The following TRAP1 variants were observed in gnomAD, a reference collection of about 807,000 sequenced individuals.
TRAP1 encodes the protein heat shock protein 75 kDa, mitochondrial.
Under a neutral mutation model 89.1 loss-of-function variants are expected in TRAP1, and 102 were observed. That is an observed-to-expected ratio of 1.15 (90% CI 0.98 to 1.35). The LOEUF is 1.35. Among genes scored for constraint, TRAP1 ranks in the 40% most tolerant of loss-of-function variants. TRAP1 has a pLI of 0.00. For synonymous variants in TRAP1, 508 were observed against 388.0 expected (o/e 1.31, Z -3.64); for missense variants, 1,256 against 945.3 (o/e 1.33, Z -4.31).
At chr16:3,687,890 C>T (rs1402198194) in intron 3 of TRAP1, among the ~76,000 whole-genome samples, 1 of 141,592 alleles carries the variant, frequency 7.1e-6, no homozygotes, top group African/African-American at 2.7e-5. Context: ...AAAACCCACA[C>T]AATTAAAAAT....
At position 3,690,893 on chromosome 16, in the gene TRAP1, T is replaced by G; in HGVS notation, c.181A>C (p.Thr61Pro). The G allele has an allele frequency of 6.3e-7, 1 of 1,592,484 alleles. No homozygotes were observed. The highest frequency in any genetic ancestry group is 2.4e-5 in the East Asian group (1 of 42,274). The change falls in exon 2 of 18, where the codon ACG becomes CCG. Residue 61 changes from threonine to proline, a missense_variant. By Grantham distance (38) the Thr-to-Pro change is conservative. Coordinates refer to ENST00000246957, the MANE Select transcript of TRAP1 (RefSeq NM_016292.3). The stretch of plus-strand genomic sequence containing the variant: ...TCCTCCTTGTCCTCGGCGGTCTGCG[T>G]GCTGAACAGTCGTCCTGCCTGCAAG... ...WSLQAGRLFS[T>P]QTAEDKEEPL...
intron 15 of TRAP1, 149 bp downstream of exon 15, chr16:3,662,733 G>A (rs1346353964): frequency 1.3e-6 from 1 of 749,492 alleles, no homozygotes; most frequent in South Asian, 1.5e-5. Flanking sequence ...CACGTGCCGA[G>A]CAGGGACCCA....
Position 3,706,408 on chromosome 16 carries a change from G to C in TRAP1, c.88+11013C>G, listed in dbSNP as rs575527270. On this transcript the variant is annotated intron_variant, in intron 1 of 17. Transcript: ENST00000246957. ...CGATCCTCCCACCTCAGCCTCCCAA[G>C]CAGGTGGGATTAGAAGGGCGCACCA... Among the ~76,000 whole-genome samples the C allele has an allele frequency of 1.0e-3, 154 of 150,290 alleles. 2 individuals are homozygous for C. The highest frequency in any genetic ancestry group is 3.5e-3 in the African/African-American group (143 of 40,854).
intron 1 of TRAP1, 82 bp downstream of exon 1, chr16:3,717,339 C>CAGGGACG: frequency 1.9e-6 from 1 of 535,144 alleles, no homozygotes; most frequent in Non-Finnish European, 2.8e-6. Context: ...GTGCCGGCGC[C>CAGGGACG]TCGCTCCCCG....
At chr16:3,696,193 T>C (rs1440747532) in intron 1 of TRAP1, among the ~76,000 whole-genome samples, 1 of 152,218 alleles carries the variant, frequency 6.6e-6, no homozygotes, top group African/African-American at 2.4e-5. Context: ...CAGCCAGATC[T>C]TGGTTTGTGA....
intron 1 of TRAP1, among the ~76,000 whole-genome samples, chr16:3,695,274 G>C (rs752652304): frequency 1.3e-5 from 2 of 152,164 alleles, no homozygotes; most frequent in Admixed American, 6.5e-5. Context: ...AAGAAAGCGG[G>C]AAGGGGAGAG....
chr16:3,706,660 T>A (rs879693835), intron 1 of TRAP1, among the ~76,000 whole-genome samples: 3 of 151,784 alleles, frequency 2.0e-5, no homozygotes, highest in Non-Finnish European at 4.4e-5. Flanking sequence ...GGAGTCTCAC[T>A]ATGTTGTCCA....
At chr16:3,707,184 C>CTTTT (rs747339831) in intron 1 of TRAP1, among the ~76,000 whole-genome samples, 6 of 130,050 alleles carry the variant, frequency 4.6e-5, no homozygotes, top group African/African-American at 1.1e-4. Context: ...AAGAGGAAAT[C>CTTTT]TTTTTTTTTT....
chr16:3,702,334 G>A (rs977821598), intron 1 of TRAP1, among the ~76,000 whole-genome samples: 2 of 151,818 alleles, frequency 1.3e-5, no homozygotes, highest in Non-Finnish European at 2.9e-5. Flanking sequence ...TCCTATGCTC[G>A]AGGCAAACAA....
At chr16:3,674,313 G>T (rs2050956346) in intron 9 of TRAP1, 26 bp downstream of exon 9, 1 of 1,612,286 alleles carries the variant, frequency 6.2e-7, no homozygotes, top group Non-Finnish European at 8.5e-7. Context: ...CACCCTGAGG[G>T]CCGTGGGACT....
At chr16:3,673,635 T>C (rs111583929) in intron 9 of TRAP1, among the ~76,000 whole-genome samples, 1 of 152,016 alleles carries the variant, frequency 6.6e-6, no homozygotes, top group Admixed American at 6.5e-5. Context: ...GGCCTGAGAC[T>C]CTAACAAGCC....
At chr16:3,659,973 C>G (rs536885649) in intron 16 of TRAP1, 1 of 152,146 alleles carries the variant, frequency 6.6e-6, no homozygotes, top group South Asian at 2.1e-4. Flanking sequence ...GTGATCCACC[C>G]GCCTAGGCCT....
chr16:3,688,163 T>C (rs1033579601), intron 3 of TRAP1, among the ~76,000 whole-genome samples: 22 of 150,924 alleles, frequency 1.5e-4, no homozygotes, highest in African/African-American at 5.4e-4. Flanking sequence ...CCCAAATGAG[T>C]TTTGCGGGGT....
In TRAP1 at chr16:3,677,309, ACCAGACAGGTG is replaced by A. The variant is rs1009508662; in HGVS notation, c.704+178_704+188del. On this transcript the variant is annotated intron_variant, in intron 6 of 17. Transcript: ENST00000246957. ...CAGTGGTGGTGACCAACCACATGGG[ACCAGACAGGTG>A]CCATAGGCCACCTGGAGCCACAAAA... Among the ~76,000 whole-genome samples the A allele has an allele frequency of 1.1e-4, 17 of 152,230 alleles. No homozygotes were observed. In the South Asian group the frequency reaches 3.1e-3, roughly 28 times the overall value.
chr16:3,686,104 G>C lies in TRAP1; in HGVS notation c.363C>G (p.Ser121Arg). 6.2e-7 allele frequency: 1 copy of C among 1,614,068 alleles called. No individual in the cohort carries two copies. Among genetic ancestry groups the C allele is most frequent in the Non-Finnish European group, 8.5e-7 (1 of 1,180,006 alleles). The change falls in exon 4 of 18, where the codon AGC (serine) becomes AGG (arginine). Residue 121 changes from serine (S) to arginine (R), a missense_variant. Physicochemically the swap from Ser to Arg is moderately radical, Grantham distance 110. Coordinates refer to ENST00000246957, the MANE Select transcript of TRAP1 (RefSeq NM_016292.3). ...VFIRELISNA[S>R]DALEKLRHKL... ...TGTGACGCAGTTTTTCCAAGGCATCGCTGGCATTGGAGATCAGCTCCCGTA... is the reference window on the plus strand; with the variant it reads ...TGTGACGCAGTTTTTCCAAGGCATCCCTGGCATTGGAGATCAGCTCCCGTA...
At chr16:3,710,632 A>T (rs987425065) in intron 1 of TRAP1, among the ~76,000 whole-genome samples, 11 of 152,112 alleles carry the variant, frequency 7.2e-5, no homozygotes, top group African/African-American at 2.7e-4. Flanking sequence ...TGAACATTCC[A>T]TTGCCTGACA....
intron 11 of TRAP1, among the ~76,000 whole-genome samples, chr16:3,666,671 G>C (rs1429013160): frequency 1.3e-5 from 2 of 152,038 alleles, no homozygotes; most frequent in Non-Finnish European, 2.9e-5. Context: ...TACGTCTATA[G>C]ATACAGGCAA....
chr16:3,706,289 G>A lies in TRAP1; in HGVS notation c.88+11132C>T, dbSNP rs1324598229. The stretch of plus-strand genomic sequence containing the variant: ...CTTTTTACTGTAACTTTTGTTTTGG[G>A]GTGGGGTGGGGGTCTCACTATGTTG... On this transcript the variant is annotated intron_variant, in intron 1 of 17. Coordinates refer to ENST00000246957, the MANE Select transcript of TRAP1 (RefSeq NM_016292.3). 6.6e-5 allele frequency among the ~76,000 whole-genome samples: 10 copies of A among 151,696 alleles called. No individual in the cohort carries two copies. In the Admixed American group the frequency reaches 6.6e-4, roughly 10 times the overall value.
At chr16:3,716,992 G>T (rs985244393) in intron 1 of TRAP1, among the ~76,000 whole-genome samples, 24 of 152,238 alleles carry the variant, frequency 1.6e-4, no homozygotes, top group African/African-American at 5.8e-4. Flanking sequence ...CTGGGAGGCG[G>T]GGAGGGGTAA....
Sources: allele counts gnomAD v4.1 joint callset (sites outside exome capture counted in the v4.1 genomes callset), GRCh38; gene constraint gnomAD v4.1.1; transcripts MANE v1.5; gene names NCBI Gene and HGNC (gene_info 2026-07-23, HGNC 2026-07-21).